USH2A: variants seen among roughly 807,000 people sequenced by gnomAD.
The protein encoded by USH2A is usherin, also known as Usher syndrome 2A (autosomal recessive, mild).
In USH2A, 443 loss-of-function variants were observed where a neutral mutation model predicts 538.9. That is an observed-to-expected ratio of 0.82 (90% confidence interval 0.76 to 0.89). The LOEUF (loss-of-function observed/expected upper bound fraction) is 0.89. Among genes scored for constraint, USH2A ranks in the 40% least tolerant of loss-of-function variants. The probability of loss-of-function intolerance (pLI) is 0.00; values close to 1 mark genes in which losing one functional copy is unlikely to be tolerated. For missense variants in USH2A, 6,633 were observed against 6,324.8 expected, an observed-to-expected ratio of 1.05 and a Z score of -1.65; for synonymous variants, 2,413 against 2,273.5, an observed-to-expected ratio of 1.06 and a Z score of -1.75.
intron 21 of USH2A, among the ~76,000 whole-genome samples, chr1:216,157,340 C>T (rs1221073125): frequency 6.6e-6 from 1 of 152,146 alleles, no homozygotes; most frequent in East Asian, 1.9e-4. Flanking sequence ...GCTGGTAAGG[C>T]TGTGGAAAAG....
In USH2A at chr1:215,675,117, C is replaced by A. The variant is rs769342088; in HGVS notation, c.12794G>T (p.Gly4265Val). 6.2e-7 allele frequency: 1 copy of A among 1,614,006 alleles called. No individual in the cohort carries two copies. The highest frequency in any genetic ancestry group is 1.1e-5 in the South Asian group (1 of 91,074). The change falls in exon 63 of 72, where the codon GGT becomes GTT. Residue 4265 changes from glycine (G) to valine (V), a missense_variant. Physicochemically the swap from Gly to Val is moderately radical, Grantham distance 109. Coordinates refer to ENST00000307340, the MANE Select transcript of USH2A (RefSeq NM_206933.4). The stretch of plus-strand genomic sequence containing the variant: ...ATAGGATATCACAGGTGGAGAGAGA[C>A]CTTCTGGAGGTGCTTGCAATGTCCT... ...VVRTLQAPPE[G>V]LSPPVISYVS...
intron 3 of USH2A, among the ~76,000 whole-genome samples, chr1:216,402,751 G>A (rs1036909920): frequency 1.3e-5 from 2 of 151,996 alleles, no homozygotes; most frequent in African/African-American, 2.4e-5. Context: ...TACATTTTGG[G>A]GTGGTCAAAA....
intron 32 of USH2A, among the ~76,000 whole-genome samples, chr1:216,036,869 C>A (rs988618325): frequency 6.6e-6 from 1 of 152,036 alleles, no homozygotes; most frequent in African/African-American, 2.4e-5. Context: ...TTTACTCTCC[C>A]TCCTATATCT....
At chr1:216,047,118 T>G (rs1011659923) in intron 31 of USH2A, among the ~76,000 whole-genome samples, 1 of 152,028 alleles carries the variant, frequency 6.6e-6, no homozygotes, top group African/African-American at 2.4e-5. Flanking sequence ...AATTGGGGGG[T>G]CCTAAGAACT....
chr1:215,961,159 T>C (rs1213226016), intron 37 of USH2A, among the ~76,000 whole-genome samples: 3 of 152,024 alleles, frequency 2.0e-5, no homozygotes, highest in East Asian at 1.9e-4. Context: ...CTAATAGATA[T>C]AAACATTTAA....
At chr1:215,987,184 T>C (rs976007131) in intron 35 of USH2A, among the ~76,000 whole-genome samples, 5 of 152,182 alleles carry the variant, frequency 3.3e-5, no homozygotes, top group African/African-American at 1.2e-4. Context: ...AGAAAAAACA[T>C]ATTTCAGGAT....
chr1:216,091,511 G>C (rs907975738), intron 22 of USH2A, among the ~76,000 whole-genome samples: 17 of 152,132 alleles, frequency 1.1e-4, no homozygotes, highest in African/African-American at 3.9e-4. Flanking sequence ...TTTTAACAAT[G>C]GCAAGTGCCC....
At chr1:215,946,833 T>C (rs993418102) in intron 37 of USH2A, among the ~76,000 whole-genome samples, 2 of 152,196 alleles carry the variant, frequency 1.3e-5, no homozygotes, top group African/African-American at 4.8e-5. Flanking sequence ...ATTTGGTATG[T>C]GGATCTACTT....
At chr1:215,973,107 G>A (rs1241387702) in intron 35 of USH2A, among the ~76,000 whole-genome samples, 1 of 152,154 alleles carries the variant, frequency 6.6e-6, no homozygotes, top group Non-Finnish European at 1.5e-5. Flanking sequence ...GTGTGTTACA[G>A]AATCTCTTAA....
chr1:215,781,616 T>C (rs1397686996), intron 54 of USH2A, among the ~76,000 whole-genome samples: 1 of 152,222 alleles, frequency 6.6e-6, no homozygotes, highest in Non-Finnish European at 1.5e-5. Flanking sequence ...TGGAACAATT[T>C]TGTTTTCCGT....
chr1:216,348,217 A>G (rs2038215329), intron 4 of USH2A, among the ~76,000 whole-genome samples: 1 of 152,170 alleles, frequency 6.6e-6, no homozygotes, highest in African/African-American at 2.4e-5. Flanking sequence ...CATAAGTGCA[A>G]TAAGCATCTG....
chr1:215,932,991 C>T (rs1201622139), intron 38 of USH2A, among the ~76,000 whole-genome samples: 3 of 151,882 alleles, frequency 2.0e-5, no homozygotes, highest in African/African-American at 4.8e-5. Flanking sequence ...AATTATTAGA[C>T]CATACATTCC....
At chr1:216,088,314 C>A (rs2032197613) in intron 23 of USH2A, among the ~76,000 whole-genome samples, 1 of 152,064 alleles carries the variant, frequency 6.6e-6, no homozygotes, top group African/African-American at 2.4e-5. Flanking sequence ...TTTATCACCA[C>A]TTGATATTTG....
chr1:216,185,305 C>T (rs1372550669), intron 20 of USH2A, among the ~76,000 whole-genome samples: 7 of 151,888 alleles, frequency 4.6e-5, no homozygotes, highest in Non-Finnish European at 1.0e-4. Flanking sequence ...GAAATGTACC[C>T]ATTCTAATCA....
intron 4 of USH2A, among the ~76,000 whole-genome samples, chr1:216,359,288 A>G (rs1320326885): frequency 6.6e-6 from 1 of 152,108 alleles, no homozygotes; most frequent in African/African-American, 2.4e-5. Flanking sequence ...ACAATAAGAA[A>G]ATTGATGTTC....
intron 31 of USH2A, among the ~76,000 whole-genome samples, chr1:216,047,073 T>A (rs893178498): frequency 1.3e-5 from 2 of 152,194 alleles, no homozygotes; most frequent in African/African-American, 2.4e-5. Flanking sequence ...CATATTTTTT[T>A]AAAAAGAGCT....
intron 60 of USH2A, among the ~76,000 whole-genome samples, chr1:215,737,387 T>C (rs1306242884): frequency 6.6e-6 from 1 of 151,976 alleles, no homozygotes; most frequent in Non-Finnish European, 1.5e-5. Context: ...TGTATTTCTC[T>C]TACAATTTAA....
chr1:215,771,388 G>A lies in USH2A; in HGVS notation c.10940-4600C>T, dbSNP rs1490419809. On this transcript the variant is annotated intron_variant, in intron 55 of 71. Transcript: ENST00000307340. The stretch of plus-strand genomic sequence containing the variant: ...GAGGTCAGGAGATCGAGACCATCCC[G>A]GCTAAAACGGTGAAACCCCGTCTCT... Among the ~76,000 whole-genome samples, 6 of 150,732 alleles carry A rather than the reference G, an allele frequency of 4.0e-5. No homozygotes were observed. The South Asian group carries it at 6.3e-4, about 16-fold the overall frequency.
At chr1:216,113,859 A>G (rs556948646) in intron 21 of USH2A, among the ~76,000 whole-genome samples, 1 of 151,754 alleles carries the variant, frequency 6.6e-6, no homozygotes, top group South Asian at 2.1e-4. Context: ...CATTTTCTGT[A>G]TTTTTATATT....
Sources: allele counts gnomAD v4.1 joint callset (sites outside exome capture counted in the v4.1 genomes callset), GRCh38; gene constraint gnomAD v4.1.1; transcripts MANE v1.5; gene names NCBI Gene and HGNC (gene_info 2026-07-23, HGNC 2026-07-21).